The following PLCH1 variants were observed in gnomAD, a reference collection of about 807,000 sequenced individuals.
PLCH1 encodes phospholipase C eta 1, also known as 1-phosphatidylinositol 4,5-bisphosphate phosphodiesterase eta-1.
Under a neutral mutation model 126.7 loss-of-function variants are expected in PLCH1, and 60 were observed. The ratio of observed to expected loss-of-function variants is 0.47; its 90% confidence interval spans 0.38 to 0.59. The LOEUF (loss-of-function observed/expected upper bound fraction) is 0.59, where lower values mean the gene tolerates loss of function less well. PLCH1 is among the 20% of genes least tolerant of loss of function. The pLI is 0.00. For synonymous variants in PLCH1, 719 were observed against 734.9 expected (o/e 0.98, Z 0.35); for missense variants, 1,723 against 2,040.0 (o/e 0.84, Z 2.99).
rs138022393 is a variant in PLCH1, at chr3:155,645,532, A to C, written c.80-49154T>G. ...TGCTCTGTTGCCTAGGCTAGAATGC[A>C]GTGGCACGATCACAGCTTACTGCAG... On this transcript the variant is annotated intron_variant, in intron 2 of 22. Coordinates refer to ENST00000460012, the MANE Select transcript of PLCH1 (RefSeq NM_014996.4). Among the ~76,000 whole-genome samples, 27 of 152,348 alleles carry C rather than the reference A, an allele frequency of 1.8e-4. No individual in the cohort carries two copies. The East Asian group carries it at 5.2e-3, about 29-fold the overall frequency.
At chr3:155,695,696 A>C (rs1292309254) in intron 2 of PLCH1, among the ~76,000 whole-genome samples, 2 of 152,242 alleles carry the variant, frequency 1.3e-5, no homozygotes, top group African/African-American at 2.4e-5. Flanking sequence ...CAGTAATGAT[A>C]ACACAATGAA....
chr3:155,724,783 G>T (rs959747237), intron 1 of PLCH1, among the ~76,000 whole-genome samples: 1 of 149,188 alleles, frequency 6.7e-6, no homozygotes, highest in Non-Finnish European at 1.5e-5. Context: ...ATTCATCATG[G>T]TATTTGTTGC....
Position 155,488,680 on chromosome 3 carries a change from G to A in PLCH1, c.2519C>T (p.Thr840Ile), listed in dbSNP as rs1715689967. ...GRDFVGQRTV[T>I]FSSLVPGYRH... Reference sequence around the variant, plus strand: ...CCTACCAGGCACTAAGCTGCTGAAGGTCACAGTTCTTTGTCCAACAAAGTC... The same window carrying A: ...CCTACCAGGCACTAAGCTGCTGAAGATCACAGTTCTTTGTCCAACAAAGTC... Residue 840 changes from threonine to isoleucine, a missense_variant, in exon 20 of 23, where the codon ACC becomes ATC. Physicochemically the swap from Thr to Ile is moderately conservative, Grantham distance 89 (BLOSUM62 -1). Coordinates refer to ENST00000460012, the MANE Select transcript of PLCH1 (RefSeq NM_014996.4). 2 of 1,613,220 alleles carry A rather than the reference G, an allele frequency of 1.2e-6. No individual in the cohort carries two copies. Among genetic ancestry groups the A allele is most frequent in the Admixed American group, 1.7e-5 (1 of 59,840 alleles).
intron 10 of PLCH1, among the ~76,000 whole-genome samples, chr3:155,548,255 CA>C (rs1253994324): frequency 6.6e-6 from 1 of 152,164 alleles, no homozygotes; most frequent in Non-Finnish European, 1.5e-5. Context: ...CACAATAAAT[CA>C]GTTGCCTTGT....
intron 1 of PLCH1, among the ~76,000 whole-genome samples, chr3:155,724,393 T>C (rs925254596): frequency 3.3e-5 from 5 of 152,180 alleles, no homozygotes; most frequent in Admixed American, 6.5e-5. Flanking sequence ...TTAGGTCTAG[T>C]AGTAATTGTT....
chr3:155,591,592 C>G (rs1258264620), intron 4 of PLCH1, among the ~76,000 whole-genome samples: 3 of 152,064 alleles, frequency 2.0e-5, no homozygotes, highest in Non-Finnish European at 4.4e-5. Context: ...TGAAAAAATA[C>G]TTGTTATAAA....
At chr3:155,647,838 A>G (rs772785127) in intron 2 of PLCH1, among the ~76,000 whole-genome samples, 7 of 152,166 alleles carry the variant, frequency 4.6e-5, no homozygotes, top group Non-Finnish European at 8.8e-5. Flanking sequence ...TTCATGCAGC[A>G]CTCCCTAAGA....
chr3:155,472,117 C>T (rs1402261747), intron 21 of PLCH1, among the ~76,000 whole-genome samples: 3 of 151,800 alleles, frequency 2.0e-5, no homozygotes, highest in Non-Finnish European at 2.9e-5. Context: ...AAAAACCCTT[C>T]GAAAAATTAA....
chr3:155,673,157 C>A (rs1743711576), intron 2 of PLCH1, among the ~76,000 whole-genome samples: 1 of 147,828 alleles, frequency 6.8e-6, no homozygotes, highest in Non-Finnish European at 1.5e-5. Flanking sequence ...CAGCTTCAAC[C>A]CTTGCTTATA....
At chr3:155,574,374 A>C (rs1412045974) in intron 6 of PLCH1, among the ~76,000 whole-genome samples, 3 of 152,210 alleles carry the variant, frequency 2.0e-5, no homozygotes, top group African/African-American at 7.2e-5. Context: ...CAGGAATATC[A>C]TGTAACTAAC....
chr3:155,715,763 C>T (rs2109118924), intron 1 of PLCH1, among the ~76,000 whole-genome samples: 1 of 152,044 alleles, frequency 6.6e-6, no homozygotes, highest in South Asian at 2.1e-4. Flanking sequence ...CAGGTGTACA[C>T]CACCATGCCC....
intron 6 of PLCH1, among the ~76,000 whole-genome samples, chr3:155,580,017 T>C (rs548542521): frequency 6.6e-6 from 1 of 152,120 alleles, no homozygotes; most frequent in South Asian, 2.1e-4. Context: ...ATTTCAAAGT[T>C]CAAAAAATAC....
chr3:155,596,508 G>T, intron 2 of PLCH1, 130 bp from the exon 3 acceptor site: 1 of 578,288 alleles, frequency 1.7e-6, no homozygotes, highest in Non-Finnish European at 2.9e-6. Flanking sequence ...ATTTGGTAGA[G>T]GTAATCTGAA....
intron 21 of PLCH1, among the ~76,000 whole-genome samples, chr3:155,464,474 A>G (rs188069728): frequency 6.6e-6 from 1 of 152,310 alleles, no homozygotes; most frequent in East Asian, 1.9e-4. Context: ...ACATGCCCTG[A>G]AGCCTCTAGG....
At chr3:155,675,153 A>C (rs1051519336) in intron 2 of PLCH1, among the ~76,000 whole-genome samples, 3 of 152,186 alleles carry the variant, frequency 2.0e-5, no homozygotes, top group African/African-American at 7.2e-5. Flanking sequence ...TGGCACATTA[A>C]AGCTGAAACC....
intron 11 of PLCH1, among the ~76,000 whole-genome samples, chr3:155,519,965 A>C (rs1040601877): frequency 4.6e-5 from 7 of 152,044 alleles, no homozygotes; most frequent in African/African-American, 1.7e-4. Flanking sequence ...GCTGCTTCTC[A>C]GCCATTCAAG....
chr3:155,701,550 C>T (rs994397610), intron 2 of PLCH1, among the ~76,000 whole-genome samples: 2 of 152,080 alleles, frequency 1.3e-5, no homozygotes, highest in African/African-American at 2.4e-5. Flanking sequence ...AGTTTTGTTT[C>T]TTTTTGTTTT....
intron 2 of PLCH1, among the ~76,000 whole-genome samples, chr3:155,636,079 G>A (rs1385484459): frequency 6.6e-6 from 1 of 152,046 alleles, no homozygotes; most frequent in Non-Finnish European, 1.5e-5. Flanking sequence ...TTTTTTAAGA[G>A]GAAAGAAAAC....
At chr3:155,619,045 A>G (rs1736136652) in intron 2 of PLCH1, among the ~76,000 whole-genome samples, 1 of 149,140 alleles carries the variant, frequency 6.7e-6, no homozygotes, top group African/African-American at 2.5e-5. Flanking sequence ...CCTCCCTTAT[A>G]TTTGGGCAAA....
Sources: gnomAD v4.1 joint callset for allele counts (sites outside exome capture counted in the v4.1 genomes callset) on GRCh38, gnomAD v4.1.1 for gene constraint, MANE v1.5 for transcripts, NCBI Gene and HGNC (gene_info 2026-07-23, HGNC 2026-07-21) for gene names.